The following NSG2 variants were observed in gnomAD, a reference collection of about 807,000 sequenced individuals.
The protein encoded by NSG2 is neuronal vesicle trafficking associated 2.
In NSG2, 4 loss-of-function variants were observed where a neutral mutation model predicts 16.9. That is an observed-to-expected ratio of 0.24 (90% CI 0.12 to 0.54). NSG2 has a LOEUF of 0.54. Among genes scored for constraint, NSG2 ranks in the 20% least tolerant of loss-of-function variants. The pLI is 0.95. For synonymous variants in NSG2, 98 were observed against 88.7 expected (o/e 1.11, Z -0.59); for missense variants, 179 against 221.1 (o/e 0.81, Z 1.21).
intron 3 of NSG2, among the ~76,000 whole-genome samples, chr5:174,091,039 CTTTTTT>C (rs35022469): frequency 8.1e-6 from 1 of 124,118 alleles, no homozygotes; most frequent in East Asian, 2.5e-4. Flanking sequence ...CTTCTTCTTC[CTTTTTT>C]TTTTTTTTTT....
At chr5:174,103,905 C>T (rs11749063) in intron 3 of NSG2, among the ~76,000 whole-genome samples, 2,647 of 152,268 alleles carry the variant, frequency 0.017, 47 homozygotes, top group Non-Finnish European at 0.027. Context: ...GTGAAGGTTG[C>T]AGTGAGCTGA....
At chr5:174,082,500 A>C (rs1486772925) in intron 3 of NSG2, 1 of 152,248 alleles carries the variant, frequency 6.6e-6, no homozygotes. Flanking sequence ...TCCTTCTTGC[A>C]TCAGAGTCTG....
Position 174,061,672 on chromosome 5 carries a change from T to C in NSG2, c.130-2560T>C, listed in dbSNP as rs148183459. Among the ~76,000 whole-genome samples, 549 of 152,278 alleles carry C rather than the reference T, an allele frequency of 3.6e-3. 4 individuals carry two copies. The highest frequency in any genetic ancestry group is 6.6e-3 in the Non-Finnish European group (447 of 68,028). On this transcript the variant is annotated intron_variant, in intron 2 of 4. Transcript: ENST00000303177. ...AGGCTGGAGTGCAGTGGCACAATCT[T>C]GGCTCACTGCAACCTCTACCTCCCG...
intron 3 of NSG2, among the ~76,000 whole-genome samples, chr5:174,074,703 C>T (rs1581227297): frequency 6.6e-6 from 1 of 152,204 alleles, no homozygotes; most frequent in East Asian, 1.9e-4. Flanking sequence ...CCACTGCCTT[C>T]CTACACTCCC....
intron 4 of NSG2, among the ~76,000 whole-genome samples, chr5:174,105,619 C>G (rs959995414): frequency 2.0e-5 from 3 of 152,192 alleles, no homozygotes; most frequent in African/African-American, 7.2e-5. Flanking sequence ...AGGGTATAAT[C>G]TGACTTCCTA....
At chr5:174,098,386 A>G (rs1387617420) in intron 3 of NSG2, among the ~76,000 whole-genome samples, 1 of 152,152 alleles carries the variant, frequency 6.6e-6, no homozygotes, top group Admixed American at 6.5e-5. Context: ...ATTGGCCTCC[A>G]AAGCCCTAGG....
intron 3 of NSG2, among the ~76,000 whole-genome samples, chr5:174,079,577 T>G (rs1385900049): frequency 6.6e-6 from 1 of 152,150 alleles, no homozygotes; most frequent in African/African-American, 2.4e-5. Flanking sequence ...TCATTATCAG[T>G]GAGTTTGAGC....
In NSG2 at chr5:174,046,842, T is replaced by G. The variant is rs1759808134; in HGVS notation, c.87T>G (p.Thr29=). Residue 29 remains threonine (T), a synonymous_variant, in exon 2 of 5, where the codon ACT becomes ACG. Transcript: ENST00000303177. The part of the protein sequence containing the change: ...EDGFQTVPLI[T]PLEVNHLQLP... ...GCTTCCAGACCGTCCCTCTCATCAC[T>G]CCCTTGGAGGTTAATCACTTACAGC... 2 of 1,613,846 alleles carry G rather than the reference T, an allele frequency of 1.2e-6. No homozygotes were observed. Among genetic ancestry groups the G allele is most frequent in the South Asian group, 1.1e-5 (1 of 91,080 alleles).
chr5:174,091,557 T>C (rs1760721612), intron 3 of NSG2, among the ~76,000 whole-genome samples: 1 of 152,000 alleles, frequency 6.6e-6, no homozygotes, highest in East Asian at 1.9e-4. Flanking sequence ...GAAGGCTTCC[T>C]GGTGTGTGTG....
chr5:174,080,527 C>CCCTCTT (rs1206641216), intron 3 of NSG2, among the ~76,000 whole-genome samples: 1 of 84,952 alleles, frequency 1.2e-5, no homozygotes, highest in South Asian at 3.1e-4. Flanking sequence ...TTCTTTCTTT[C>CCCTCTT]TCTCTCTCTC....
intron 2 of NSG2, among the ~76,000 whole-genome samples, chr5:174,061,909 CT>C (rs11426817): frequency 0.37 from 43,631 of 116,556 alleles, 8,747 homozygotes; most frequent in Non-Finnish European, 0.49. Flanking sequence ...AGCCCCCAAA[CT>C]TTTTTTTTTT....
intron 3 of NSG2, among the ~76,000 whole-genome samples, chr5:174,076,796 G>C (rs918042654): frequency 1.3e-5 from 2 of 152,184 alleles, no homozygotes; most frequent in Non-Finnish European, 2.9e-5. Context: ...TTGGTCTCTA[G>C]TGGGTAGAGG....
intron 3 of NSG2, among the ~76,000 whole-genome samples, chr5:174,090,956 G>A (rs560034480): frequency 2.6e-5 from 4 of 151,658 alleles, no homozygotes; most frequent in African/African-American, 4.8e-5. Context: ...GCCACACATT[G>A]AAATTTGGGA....
chr5:174,096,781 C>T (rs1415804060), intron 3 of NSG2, among the ~76,000 whole-genome samples: 1 of 152,046 alleles, frequency 6.6e-6, no homozygotes, highest in South Asian at 2.1e-4. Context: ...TGGTGTCTGC[C>T]TAGGCATGGC....
chr5:174,046,254 A>G (rs1242936432), intron 1 of NSG2: 1 of 154,572 alleles, frequency 6.5e-6, no homozygotes, highest in Non-Finnish European at 1.4e-5. Flanking sequence ...ACACATTGAG[A>G]CGTTGAATGT....
At chr5:174,049,051 C>T (rs552234271) in intron 2 of NSG2, among the ~76,000 whole-genome samples, 13 of 152,066 alleles carry the variant, frequency 8.5e-5, no homozygotes, top group South Asian at 8.3e-4. Flanking sequence ...AAAAAAAAAC[C>T]GCAAGAGGCT....
intron 2 of NSG2, among the ~76,000 whole-genome samples, chr5:174,057,811 T>C (rs1033900088): frequency 6.6e-6 from 1 of 152,162 alleles, no homozygotes. Context: ...TTGCCTCAGG[T>C]GCTGGCCTCC....
chr5:174,059,497 C>T (rs999909355), intron 2 of NSG2, among the ~76,000 whole-genome samples: 12 of 152,296 alleles, frequency 7.9e-5, no homozygotes, highest in Non-Finnish European at 1.5e-4. Context: ...TATTTGGCTA[C>T]CTTACTAAAT....
chr5:174,059,320 A>C (rs186105597), intron 2 of NSG2, among the ~76,000 whole-genome samples: 93 of 152,266 alleles, frequency 6.1e-4, no homozygotes, highest in Admixed American at 9.2e-4. Context: ...GTAAACCACA[A>C]TTTATCCATT....
Sources: allele counts gnomAD v4.1 joint callset (sites outside exome capture counted in the v4.1 genomes callset), GRCh38; gene constraint gnomAD v4.1.1; transcripts MANE v1.5; gene names NCBI Gene and HGNC (gene_info 2026-07-23, HGNC 2026-07-21).